OR51Q1: variants seen among roughly 807,000 people sequenced by gnomAD.
OR51Q1 encodes olfactory receptor family 51 subfamily Q member 1, also known as olfactory receptor 51Q1.
For missense variants in OR51Q1, 501 were observed against 397.1 expected (o/e 1.26, Z -2.22); for synonymous variants, 187 against 151.7 (o/e 1.23, Z -1.71).
chr11:5,422,151 C>G lies in OR51Q1; in HGVS notation c.-50C>G. ...CAAAGAGATATTATTTCTAATGTTT[C>G]TTTTTCTCCCTGAGTGAAGATCCTG... is the stretch of plus-strand genomic sequence containing the variant. On this transcript the variant is annotated 5_prime_UTR_variant, in exon 1 of 1. Coordinates refer to ENST00000300778, the MANE Select transcript of OR51Q1 (RefSeq NM_001004757.2). 1.5e-6 allele frequency: 2 copies of G among 1,351,438 alleles called. No individual in the cohort carries two copies. Among genetic ancestry groups the G allele is most frequent in the Non-Finnish European group, 2.0e-6 (2 of 976,880 alleles). The allele number at this position is 1,351,438 out of a possible 1,614,324, so 83.7% of individuals were successfully genotyped here.
chr11:5,422,216 A>G lies in OR51Q1; in HGVS notation c.16A>G (p.Asn6Asp). MSQVT[N>D]TTQEGIYFIL... ...TTCATCAGTCATGTCCCAGGTGACT[A>G]ACACCACACAAGAAGGCATCTACTT... Residue 6 changes from asparagine (N) to aspartate (D), a missense_variant, in exon 1 of 1, where the codon AAC becomes GAC. Coordinates refer to ENST00000300778, the MANE Select transcript of OR51Q1 (RefSeq NM_001004757.2). 1 of 1,611,014 alleles carries G rather than the reference A, an allele frequency of 6.2e-7. No homozygotes were observed. The highest frequency in any genetic ancestry group is 8.5e-7 in the Non-Finnish European group (1 of 1,178,336).
Position 5,422,618 on chromosome 11 carries a change from A to T in OR51Q1, c.418A>T (p.Asn140Tyr). 1.2e-6 allele frequency: 2 copies of T among 1,613,978 alleles called. No individual in the cohort carries two copies. The highest frequency in any genetic ancestry group is 8.5e-7 in the Non-Finnish European group (1 of 1,179,984). ...CPLHYASILTNEVIGRTGLAI... is the reference protein window; with the variant it reads ...CPLHYASILTYEVIGRTGLAI... ...CCTCCATTATGCCTCCATCCTCACC[A>T]ATGAAGTCATTGGTAGAACTGGGTT... The change falls in exon 1 of 1, where the codon AAT becomes TAT. Residue 140 changes from asparagine (N) to tyrosine (Y), a missense_variant. Asn to Tyr is a moderately radical substitution (Grantham distance 143). Transcript: ENST00000300778.
chr11:5,422,360 G>C lies in OR51Q1; in HGVS notation c.160G>C (p.Glu54Gln), dbSNP rs758099827. The change falls in exon 1 of 1, where the codon GAG (glutamate) becomes CAG (glutamine). Residue 54 changes from glutamate to glutamine, a missense_variant. Physicochemically the swap from Glu to Gln is conservative, Grantham distance 29. Transcript: ENST00000300778. ...NTTILTVIRT[E>Q]PSVHQRMYLF... Reference sequence around the variant, plus strand: ...CACCATCCTCACTGTCATTCGCACAGAGCCATCTGTCCACCAGCGCATGTA... The same window carrying C: ...CACCATCCTCACTGTCATTCGCACACAGCCATCTGTCCACCAGCGCATGTA... The C allele has an allele frequency of 9.9e-6, 16 of 1,613,990 alleles. No homozygotes were observed. The highest frequency in any genetic ancestry group is 1.3e-5 in the African/African-American group (1 of 74,892).
At position 5,423,145 on chromosome 11, in the gene OR51Q1, T is replaced by C; in HGVS notation, c.945T>C (p.His315=). 6.3e-7 allele frequency: 1 copy of C among 1,592,694 alleles called. No homozygotes were observed. The highest frequency in any genetic ancestry group is 1.3e-5 in the African/African-American group (1 of 74,736). ...ATTTCCTTTCCCTCAAAAATATGCA[T>C]TCAAGATGAGGGAATGCATTTCTTA... is the stretch of plus-strand genomic sequence containing the variant. ...MLNFLSLKNM[H]SR The change falls in exon 1 of 1, where the codon CAT becomes CAC. Residue 315 remains histidine (H), a synonymous_variant. Coordinates refer to ENST00000300778, the MANE Select transcript of OR51Q1 (RefSeq NM_001004757.2).
chr11:5,422,768 G>T lies in OR51Q1; in HGVS notation c.568G>T (p.Val190Phe). Residue 190 changes from valine to phenylalanine, a missense_variant, in exon 1 of 1, where the codon GTC becomes TTC. Transcript: ENST00000300778. ...YCLHQDMIRL[V>F]CADIRLNSWY... ...CCTCCACCAGGATATGATCCGCCTGGTCTGTGCTGACATCAGGCTCAACAG... is the reference window on the plus strand; with the variant it reads ...CCTCCACCAGGATATGATCCGCCTGTTCTGTGCTGACATCAGGCTCAACAG... The T allele has an allele frequency of 6.2e-7, 1 of 1,614,094 alleles. No individual in the cohort carries two copies. Among genetic ancestry groups the T allele is most frequent in the Non-Finnish European group, 8.5e-7 (1 of 1,180,006 alleles).
chr11:5,422,741 T>G lies in OR51Q1; in HGVS notation c.541T>G (p.Cys181Gly), dbSNP rs566727608. The G allele has an allele frequency of 6.2e-7, 1 of 1,614,076 alleles. No homozygotes were observed. The highest frequency in any genetic ancestry group is 1.3e-5 in the African/African-American group (1 of 75,024). ...CTCCCACCTTCTCTCTCGCTCCTAT[T>G]GCCTCCACCAGGATATGATCCGCCT... Reference protein sequence around the residue: ...CHSHLLSRSYCLHQDMIRLVC... With the variant: ...CHSHLLSRSYGLHQDMIRLVC... Residue 181 changes from cysteine to glycine, a missense_variant, in exon 1 of 1, where the codon TGC becomes GGC. Coordinates refer to ENST00000300778, the MANE Select transcript of OR51Q1 (RefSeq NM_001004757.2).
rs771412478 is a variant in OR51Q1 at position 5,422,268 on chromosome 11, A to G, written c.68A>G (p.Glu23Gly). The G allele has an allele frequency of 1.2e-6, 2 of 1,614,102 alleles. No homozygotes were observed. The highest frequency in any genetic ancestry group is 2.2e-5 in the South Asian group (2 of 91,066). ...ATCCTCACGGACATCCCTGGATTTG[A>G]GGCCTCCCACATCTGGATCTCCATC... The part of the protein sequence containing the change: ...YFILTDIPGF[E>G]ASHIWISIPV... The change falls in exon 1 of 1, where the codon GAG (glutamate) becomes GGG (glycine). Residue 23 changes from glutamate to glycine, a missense_variant. Glu to Gly is a moderately conservative substitution (Grantham distance 98). Transcript: ENST00000300778.
chr11:5,423,040 T>C lies in OR51Q1; in HGVS notation c.840T>C (p.Asn280=). Reference sequence around the variant, plus strand: ...CACTGGTCCATGTTATCATGGCCAATATCTACCTGCTGGCACCCCCGGTGA... The same window carrying C: ...CACTGGTCCATGTTATCATGGCCAACATCTACCTGCTGGCACCCCCGGTGA... ...ASPLVHVIMA[N]IYLLAPPVMN... The change falls in exon 1 of 1, where the codon AAT becomes AAC. Residue 280 remains asparagine (N), a synonymous_variant. Transcript: ENST00000300778. 1 of 1,614,120 alleles carries C rather than the reference T, an allele frequency of 6.2e-7. No homozygotes were observed. The highest frequency in any genetic ancestry group is 8.5e-7 in the Non-Finnish European group (1 of 1,180,016).
At position 5,422,237 on chromosome 11, in the gene OR51Q1, T is replaced by TCACCAC; in HGVS notation, c.37_38insCACCAC (p.Tyr13delinsSerProHis). 6.2e-7 allele frequency: 1 copy of TCACCAC among 1,613,414 alleles called. No homozygotes were observed. The highest frequency in any genetic ancestry group is 1.3e-5 in the African/African-American group (1 of 75,050). ...GACTAACACCACACAAGAAGGCATC[T>TCACCAC]ACTTCATCCTCACGGACATCCCTGG... On this transcript the variant is annotated protein_altering_variant, in exon 1 of 1. Transcript: ENST00000300778.
Position 5,422,393 on chromosome 11 carries a change from C to A in OR51Q1, c.193C>A (p.Leu65Ile). The A allele has an allele frequency of 6.2e-7, 1 of 1,614,176 alleles. No homozygotes were observed. Among genetic ancestry groups the A allele is most frequent in the Admixed American group, 1.7e-5 (1 of 60,032 alleles). The change falls in exon 1 of 1, where the codon CTC becomes ATC. Residue 65 changes from leucine to isoleucine, a missense_variant. Transcript: ENST00000300778. ...TGTCCACCAGCGCATGTATCTGTTTCTCTCCATGCTGGCCCTGACGGACCT... is the reference window on the plus strand; with the variant it reads ...TGTCCACCAGCGCATGTATCTGTTTATCTCCATGCTGGCCCTGACGGACCT... ...PSVHQRMYLF[L>I]SMLALTDLGL...
In OR51Q1 at chr11:5,422,750, C is replaced by A; in HGVS notation, c.550C>A (p.Gln184Lys). The A allele has an allele frequency of 6.2e-7, 1 of 1,614,100 alleles. No homozygotes were observed. The highest frequency in any genetic ancestry group is 8.5e-7 in the Non-Finnish European group (1 of 1,179,998). The change falls in exon 1 of 1, where the codon CAG becomes AAG. Residue 184 changes from glutamine to lysine, a missense_variant. Gln to Lys is a moderately conservative substitution (Grantham distance 53). Coordinates refer to ENST00000300778, the MANE Select transcript of OR51Q1 (RefSeq NM_001004757.2). ...TCTCTCTCGCTCCTATTGCCTCCACCAGGATATGATCCGCCTGGTCTGTGC... is the reference window on the plus strand; with the variant it reads ...TCTCTCTCGCTCCTATTGCCTCCACAAGGATATGATCCGCCTGGTCTGTGC... Reference protein sequence around the residue: ...HLLSRSYCLHQDMIRLVCADI... With the variant: ...HLLSRSYCLHKDMIRLVCADI...
At position 5,422,956 on chromosome 11, in the gene OR51Q1, C is replaced by G; in HGVS notation, c.756C>G (p.Val252=). Residue 252 remains valine, a synonymous_variant, in exon 1 of 1, where the codon GTC becomes GTG. Transcript: ENST00000300778. The part of the protein sequence containing the change: ...NCLSHILAVL[V]LYIPMVGVSM... ...TGTCCCACATTCTAGCTGTCCTGGT[C>G]CTCTACATTCCCATGGTTGGTGTAT... The G allele has an allele frequency of 1.2e-6, 2 of 1,614,096 alleles. No individual in the cohort carries two copies. Among genetic ancestry groups the G allele is most frequent in the Non-Finnish European group, 1.7e-6 (2 of 1,180,000 alleles).
chr11:5,422,953 G>T lies in OR51Q1; in HGVS notation c.753G>T (p.Leu251=). The change falls in exon 1 of 1, where the codon CTG becomes CTT. Residue 251 remains leucine (L), a synonymous_variant. Coordinates refer to ENST00000300778, the MANE Select transcript of OR51Q1 (RefSeq NM_001004757.2). ...NNCLSHILAV[L]VLYIPMVGVS... is the part of the protein sequence containing the mutation. ...GCCTGTCCCACATTCTAGCTGTCCT[G>T]GTCCTCTACATTCCCATGGTTGGTG... The T allele has an allele frequency of 6.2e-7, 1 of 1,614,068 alleles. No individual in the cohort carries two copies. Among genetic ancestry groups the T allele is most frequent in the Non-Finnish European group, 8.5e-7 (1 of 1,179,994 alleles).
Position 5,422,315 on chromosome 11 carries a change from A to G in OR51Q1, c.115A>G (p.Ile39Val). ...ISIPVCCLYT[I>V]SIMGNTTILT... ...CATCCCCGTCTGCTGTCTCTACACC[A>G]TCTCCATCATGGGCAATACCACCAT... The change falls in exon 1 of 1, where the codon ATC becomes GTC. Residue 39 changes from isoleucine to valine, a missense_variant. Coordinates refer to ENST00000300778, the MANE Select transcript of OR51Q1 (RefSeq NM_001004757.2). 3.7e-6 allele frequency: 6 copies of G among 1,613,834 alleles called. No individual in the cohort carries two copies. The highest frequency in any genetic ancestry group is 5.1e-6 in the Non-Finnish European group (6 of 1,179,938).
rs987666499 is a variant in OR51Q1 at position 5,423,178 on chromosome 11, G to A, written c.*24G>A. ...GAGGGAATGCATTTCTTAAATTACT[G>A]ACAAGTATGAGTCATAGGCTTAAGG... On this transcript the variant is annotated 3_prime_UTR_variant, in exon 1 of 1. Coordinates refer to ENST00000300778, the MANE Select transcript of OR51Q1 (RefSeq NM_001004757.2). The A allele has an allele frequency of 1.9e-6, 3 of 1,554,374 alleles. No homozygotes were observed. Among genetic ancestry groups the A allele is most frequent in the Middle Eastern group, 3.4e-4 (2 of 5,804 alleles).
chr11:5,422,730 C>G lies in OR51Q1; in HGVS notation c.530C>G (p.Ser177Cys). The G allele has an allele frequency of 6.2e-7, 1 of 1,614,068 alleles. No individual in the cohort carries two copies. Among genetic ancestry groups the G allele is most frequent in the Non-Finnish European group, 8.5e-7 (1 of 1,179,964 alleles). Residue 177 changes from serine to cysteine, a missense_variant, in exon 1 of 1, where the codon TCT (serine) becomes TGT (cysteine). Physicochemically the swap from Ser to Cys is moderately radical, Grantham distance 112. Coordinates refer to ENST00000300778, the MANE Select transcript of OR51Q1 (RefSeq NM_001004757.2). ...RLPFCHSHLL[S>C]RSYCLHQDMI... ...CCTTTCTGCCACTCCCACCTTCTCT[C>G]TCGCTCCTATTGCCTCCACCAGGAT...
chr11:5,422,313 C>G lies in OR51Q1; in HGVS notation c.113C>G (p.Thr38Ser). 6.2e-7 allele frequency: 1 copy of G among 1,614,098 alleles called. No homozygotes were observed. The highest frequency in any genetic ancestry group is 8.5e-7 in the Non-Finnish European group (1 of 1,179,988). The stretch of plus-strand genomic sequence containing the variant: ...TCCATCCCCGTCTGCTGTCTCTACA[C>G]CATCTCCATCATGGGCAATACCACC... ...WISIPVCCLY[T>S]ISIMGNTTIL... Residue 38 changes from threonine (T) to serine (S), a missense_variant, in exon 1 of 1, where the codon ACC becomes AGC. Coordinates refer to ENST00000300778, the MANE Select transcript of OR51Q1 (RefSeq NM_001004757.2).
At position 5,422,632 on chromosome 11, in the gene OR51Q1, T is replaced by G. The variant is rs1377603333; in HGVS notation, c.432T>G (p.Gly144=). Residue 144 remains glycine (G), a synonymous_variant, in exon 1 of 1, where the codon GGT becomes GGG. Transcript: ENST00000300778. ...YASILTNEVI[G]RTGLAIICCC... is the part of the protein sequence containing the mutation. ...CCATCCTCACCAATGAAGTCATTGGTAGAACTGGGTTAGCCATCATTTGCT... is the reference window on the plus strand; with the variant it reads ...CCATCCTCACCAATGAAGTCATTGGGAGAACTGGGTTAGCCATCATTTGCT... 1 of 1,613,980 alleles carries G rather than the reference T, an allele frequency of 6.2e-7. No homozygotes were observed. The highest frequency in any genetic ancestry group is 1.3e-5 in the African/African-American group (1 of 74,920).
rs115558711 is a variant in OR51Q1, at chr11:5,422,763, G to C, written c.563G>C (p.Arg188Pro). 4.9e-5 allele frequency: 79 copies of C among 1,613,890 alleles called. No individual in the cohort carries two copies. The highest frequency in any genetic ancestry group is 4.9e-5 in the Non-Finnish European group (58 of 1,179,972). Reference protein sequence around the residue: ...RSYCLHQDMIRLVCADIRLNS... With the variant: ...RSYCLHQDMIPLVCADIRLNS... The stretch of plus-strand genomic sequence containing the variant: ...TATTGCCTCCACCAGGATATGATCC[G>C]CCTGGTCTGTGCTGACATCAGGCTC... Residue 188 changes from arginine to proline, a missense_variant, in exon 1 of 1, where the codon CGC (arginine) becomes CCC (proline). Arg to Pro is a moderately radical substitution (Grantham distance 103). Coordinates refer to ENST00000300778, the MANE Select transcript of OR51Q1 (RefSeq NM_001004757.2).
Sources: allele counts gnomAD v4.1 joint callset, GRCh38; gene constraint gnomAD v4.1.1; transcripts MANE v1.5; gene names NCBI Gene and HGNC (gene_info 2026-07-23, HGNC 2026-07-21).